Variants in TLR3 observed in about 807,000 individuals in gnomAD.
The protein encoded by TLR3 is toll like receptor 3, also known as toll-like receptor 3.
In TLR3, 43 loss-of-function variants were observed where a neutral mutation model predicts 66.4. The ratio of observed to expected loss-of-function variants is 0.65; its 90% confidence interval spans 0.51 to 0.83. The LOEUF (loss-of-function observed/expected upper bound fraction) is 0.83. Among genes scored for constraint, TLR3 ranks in the 40% least tolerant of loss-of-function variants. The pLI is 0.00. For synonymous variants in TLR3, 397 were observed against 397.2 expected (o/e 1.00, Z 0.01); for missense variants, 982 against 1,044.6 (o/e 0.94, Z 0.83).
chr4:186,076,818 C>T lies in TLR3; in HGVS notation c.199C>T (p.Pro67Ser). The T allele has an allele frequency of 6.2e-7, 1 of 1,614,142 alleles. No homozygotes were observed. Among genetic ancestry groups the T allele is most frequent in the Non-Finnish European group, 8.5e-7 (1 of 1,180,026 alleles). ...NLTHNQLRRL[P>S]AANFTRYSQL... ...TACCCATAATCAACTCAGAAGATTA[C>T]CAGCCGCCAACTTCACAAGGTATAG... Residue 67 changes from proline to serine, a missense_variant, in exon 2 of 5, where the codon CCA (proline) becomes TCA (serine). Physicochemically the swap from Pro to Ser is moderately conservative, Grantham distance 74. This residue lies in a region of TLR3 where 313 missense variants were observed against 319.0 expected (regional missense o/e 0.98). Coordinates refer to ENST00000296795, the MANE Select transcript of TLR3 (RefSeq NM_003265.3).
At position 186,082,989 on chromosome 4, in the gene TLR3, G is replaced by A. The variant is rs780620018; in HGVS notation, c.1303G>A (p.Val435Ile). ...DAFSWLGHLE[V>I]LDLGLNEIGQ... ...TTTCTCTTGGTTGGGCCACCTAGAA[G>A]TACTTGACCTGGGCCTTAATGAAAT... Residue 435 changes from valine to isoleucine, a missense_variant, in exon 4 of 5, where the codon GTA becomes ATA. Val to Ile is a conservative substitution (Grantham distance 29, BLOSUM62 3). Coordinates refer to ENST00000296795, the MANE Select transcript of TLR3 (RefSeq NM_003265.3). The A allele has an allele frequency of 4.3e-6, 7 of 1,614,200 alleles. No homozygotes were observed. Among genetic ancestry groups the A allele is most frequent in the Non-Finnish European group, 5.9e-6 (7 of 1,180,040 alleles).
At position 186,085,557 on chromosome 4, in the gene TLR3, G is replaced by A. The variant is rs1239245823; in HGVS notation, c.*684G>A. 1.3e-5 allele frequency: 2 copies of A among 152,280 alleles called. No individual in the cohort carries two copies. Among genetic ancestry groups the A allele is most frequent in the African/African-American group, 4.8e-5 (2 of 41,442 alleles). 9.4% of individuals were successfully genotyped at this position (152,280 alleles called of 1,614,324 possible). A position where few individuals can be genotyped will look rare whatever the true frequency, so the allele number is the denominator to read the frequency against. On this transcript the variant is annotated 3_prime_UTR_variant, in exon 5 of 5. Transcript: ENST00000296795. ...AAACAATTCTCTTACTAAAAGTATT[G>A]TAGGCAGGCTTGCTTTCTGAAGGCT... is the stretch of plus-strand genomic sequence containing the variant.
chr4:186,072,676 G>A (rs969974917), intron 1 of TLR3, among the ~76,000 whole-genome samples: 8 of 152,158 alleles, frequency 5.3e-5, no homozygotes, highest in Non-Finnish European at 1.0e-4. Flanking sequence ...GAACAGCACC[G>A]AGGGGGTGGT....
intron 1 of TLR3, among the ~76,000 whole-genome samples, chr4:186,074,165 T>C (rs2099302010): frequency 6.6e-6 from 1 of 152,166 alleles, no homozygotes; most frequent in Admixed American, 6.5e-5. Context: ...ATTCCAATCC[T>C]AGTTATTTAC....
intron 2 of TLR3, among the ~76,000 whole-genome samples, chr4:186,077,811 C>G (rs1173214932): frequency 1.4e-5 from 2 of 141,352 alleles, no homozygotes; most frequent in East Asian, 4.3e-4. Context: ...CATATTCACC[C>G]TACAATGCTT....
chr4:186,074,813 T>C (rs937764880), intron 1 of TLR3, among the ~76,000 whole-genome samples: 6 of 152,178 alleles, frequency 3.9e-5, no homozygotes, highest in African/African-American at 1.4e-4. Flanking sequence ...TTTTTAACTT[T>C]TTAAACGTTT....
At position 186,082,724 on chromosome 4, in the gene TLR3, T is replaced by A. The variant is rs757686834; in HGVS notation, c.1038T>A (p.Ile346=). ...TTTCCCTTGCCTCACTCCCCAAGAT[T>A]GATGATTTTTCTTTTCAGTGGCTAA... The part of the protein sequence containing the change: ...QSISLASLPK[I]DDFSFQWLKC... The change falls in exon 4 of 5, where the codon ATT becomes ATA. Residue 346 remains isoleucine (I), a synonymous_variant. Transcript: ENST00000296795. 27 of 1,613,984 alleles carry A rather than the reference T, an allele frequency of 1.7e-5. No homozygotes were observed. The highest frequency in any genetic ancestry group is 2.3e-5 in the Non-Finnish European group (27 of 1,179,982).
At position 186,085,085 on chromosome 4, in the gene TLR3, A is replaced by G. The variant is rs2099304154; in HGVS notation, c.*212A>G. On this transcript the variant is annotated 3_prime_UTR_variant, in exon 5 of 5. Transcript: ENST00000296795. The stretch of plus-strand genomic sequence containing the variant: ...GACTTAATTTTACCCAAAATAAAAC[A>G]TATAAGCACGTAAGAACATTGTCTA... 3 of 575,358 alleles carry G rather than the reference A, an allele frequency of 5.2e-6. No homozygotes were observed. The South Asian group carries it at 6.2e-5, about 12-fold the overall frequency. The allele number at this position is 575,358 out of a possible 1,614,324, so 35.6% of individuals were successfully genotyped here.
At position 186,082,654 on chromosome 4, in the gene TLR3, A is replaced by T; in HGVS notation, c.968A>T (p.Asn323Ile). The T allele has an allele frequency of 6.2e-7, 1 of 1,613,990 alleles. No homozygotes were observed. The highest frequency in any genetic ancestry group is 8.5e-7 in the Non-Finnish European group (1 of 1,179,898). Reference sequence around the variant, plus strand: ...TCTCACTCTTTGCACGGGCTTTTCAATGTGAGGTACCTGAATTTGAAACGG... The same window carrying T: ...TCTCACTCTTTGCACGGGCTTTTCATTGTGAGGTACCTGAATTTGAAACGG... The part of the protein sequence containing the change: ...LFSHSLHGLF[N>I]VRYLNLKRSF... Residue 323 changes from asparagine to isoleucine, a missense_variant, in exon 4 of 5, where the codon AAT (asparagine) becomes ATT (isoleucine). Around this residue, in one of 3 missense-constraint regions of TLR3, gnomAD observed 666 missense variants for 709.0 expected, o/e 0.94. Transcript: ENST00000296795.
rs375996512 is a variant in TLR3 at position 186,076,979 on chromosome 4, C to T, written c.360C>T (p.Ala120=). The T allele has an allele frequency of 1.9e-5, 30 of 1,614,028 alleles. No homozygotes were observed. The highest frequency in any genetic ancestry group is 2.4e-5 in the Non-Finnish European group (28 of 1,180,044). The change falls in exon 2 of 5, where the codon GCC becomes GCT. Residue 120 remains alanine, a synonymous_variant. Coordinates refer to ENST00000296795, the MANE Select transcript of TLR3 (RefSeq NM_003265.3). ...ELSQLSDKTF[A]FCTNLTELHL... ...CTCAACTTTCTGATAAAACCTTTGC[C>T]TTCTGCACGAATTTGACTGAACTCC...
intron 1 of TLR3, 145 bp from the exon 2 acceptor site, chr4:186,076,468 A>AT (rs2099302469): frequency 1.2e-6 from 1 of 810,658 alleles, no homozygotes; most frequent in Non-Finnish European, 2.0e-6. Flanking sequence ...CTTGTATAAT[A>AT]TGTACTTGTA....
chr4:186,079,947 G>T (rs2099303147), intron 3 of TLR3, among the ~76,000 whole-genome samples: 1 of 152,174 alleles, frequency 6.6e-6, no homozygotes, highest in Admixed American at 6.5e-5. Context: ...GGGCTAACTC[G>T]CAGGGGCCTG....
chr4:186,079,197 C>A (rs1191181417), intron 3 of TLR3, among the ~76,000 whole-genome samples, 166 bp downstream of exon 3: 1 of 152,168 alleles, frequency 6.6e-6, no homozygotes, highest in Non-Finnish European at 1.5e-5. Context: ...AGAGCTCAGG[C>A]AGCCCCAGGA....
chr4:186,075,457 C>A (rs2099302294), intron 1 of TLR3, among the ~76,000 whole-genome samples: 1 of 151,898 alleles, frequency 6.6e-6, no homozygotes, highest in South Asian at 2.1e-4. Context: ...CCCTATCTCT[C>A]TATAAAATTT....
intron 1 of TLR3, among the ~76,000 whole-genome samples, chr4:186,073,185 G>A (rs2099301805): frequency 2.0e-5 from 3 of 152,100 alleles, no homozygotes; most frequent in Non-Finnish European, 4.4e-5. Flanking sequence ...TCTAAGGAAA[G>A]CACAGAACAA....
chr4:186,075,473 A>G (rs1389979776), intron 1 of TLR3, among the ~76,000 whole-genome samples: 1 of 152,116 alleles, frequency 6.6e-6, no homozygotes, highest in African/African-American at 2.4e-5. Context: ...AATTTAAAAA[A>G]TAATAAAAAA....
In TLR3 at chr4:186,084,813, G is replaced by T. The variant is rs1441935850; in HGVS notation, c.2655G>T (p.Arg885=). ...CILNWPVQKE[R]IGAFRHKLQV... ...TGAACTGGCCAGTTCAGAAAGAACG[G>T]ATAGGTGCCTTTCGTCATAAATTGC... The change falls in exon 5 of 5, where the codon CGG becomes CGT. Residue 885 remains arginine, a synonymous_variant. Transcript: ENST00000296795. 6.2e-7 allele frequency: 1 copy of T among 1,614,042 alleles called. No individual in the cohort carries two copies. Among genetic ancestry groups the T allele is most frequent in the Non-Finnish European group, 8.5e-7 (1 of 1,180,000 alleles).
chr4:186,076,996 C>T lies in TLR3; in HGVS notation c.377C>T (p.Thr126Ile), dbSNP rs1408892039. ...ACCTTTGCCTTCTGCACGAATTTGA[C>T]TGAACTCCATCTCATGTCCAACTCA... Reference protein sequence around the residue: ...DKTFAFCTNLTELHLMSNSIQ... With the variant: ...DKTFAFCTNLIELHLMSNSIQ... Residue 126 changes from threonine (T) to isoleucine (I), a missense_variant, in exon 2 of 5, where the codon ACT (threonine) becomes ATT (isoleucine). Physicochemically the swap from Thr to Ile is moderately conservative, Grantham distance 89. Coordinates refer to ENST00000296795, the MANE Select transcript of TLR3 (RefSeq NM_003265.3). 1 of 1,614,148 alleles carries T rather than the reference C, an allele frequency of 6.2e-7. No individual in the cohort carries two copies. Among genetic ancestry groups the T allele is most frequent in the South Asian group, 1.1e-5 (1 of 91,070 alleles).
In TLR3 at chr4:186,087,995, C is replaced by T. The variant is rs111807961; in HGVS notation, c.*3122C>T. 3.3e-5 allele frequency: 5 copies of T among 152,222 alleles called. No homozygotes were observed. The highest frequency in any genetic ancestry group is 1.2e-4 in the African/African-American group (5 of 41,534). 9.4% of individuals were successfully genotyped at this position (152,222 alleles called of 1,614,324 possible). A position where few individuals can be genotyped will look rare whatever the true frequency, so the allele number is the denominator to read the frequency against. On this transcript the variant is annotated 3_prime_UTR_variant, in exon 5 of 5. Coordinates refer to ENST00000296795, the MANE Select transcript of TLR3 (RefSeq NM_003265.3). Reference sequence around the variant, plus strand: ...ATTTACTGAAAGTCATTGAGTTGGACACTTAAAACAGGTGAATTTTATGAT... The same window carrying T: ...ATTTACTGAAAGTCATTGAGTTGGATACTTAAAACAGGTGAATTTTATGAT...
Sources: allele counts gnomAD v4.1 joint callset (sites outside exome capture counted in the v4.1 genomes callset), GRCh38; gene constraint gnomAD v4.1.1; regional missense constraint gnomAD v4.1.1; transcripts MANE v1.5; gene names NCBI Gene and HGNC (gene_info 2026-07-23, HGNC 2026-07-21).